ALG6: variants seen among roughly 807,000 people sequenced by gnomAD.
The protein encoded by ALG6 is dolichyl pyrophosphate Man9GlcNAc2 alpha-1,3-glucosyltransferase.
A neutral mutation model predicts 66.6 loss-of-function variants in ALG6; 46 were observed. The ratio of observed to expected loss-of-function variants is 0.69; its 90% CI spans 0.55 to 0.88. The LOEUF is 0.88. Among genes scored for constraint, ALG6 ranks in the 40% least tolerant of loss-of-function variants. The pLI is 0.00. For missense variants in ALG6, 505 were observed against 586.8 expected, an observed-to-expected ratio of 0.86 and a Z score of 1.44; for synonymous variants, 185 against 203.7, an observed-to-expected ratio of 0.91 and a Z score of 0.78.
At chr1:63,412,150 A>G in intron 9 of ALG6, 89 bp downstream of exon 9, 7 of 1,545,796 alleles carry the variant, frequency 4.5e-6, no homozygotes, top group Non-Finnish European at 6.2e-6. Context: ...AGGAATAGGA[A>G]CTTCAGCTAC....
chr1:63,398,764 C>T (rs1240718624), intron 3 of ALG6, among the ~76,000 whole-genome samples: 4 of 152,144 alleles, frequency 2.6e-5, no homozygotes, highest in Admixed American at 1.3e-4. Context: ...CTTGAGCCAC[C>T]GTGCCTGGCC....
intron 2 of ALG6, among the ~76,000 whole-genome samples, chr1:63,379,626 A>G (rs1648238629): frequency 6.6e-6 from 1 of 151,992 alleles, no homozygotes; most frequent in African/African-American, 2.4e-5. Flanking sequence ...CTCTGAATCT[A>G]CACTTTGCTG....
chr1:63,413,008 G>A (rs1010849354), intron 9 of ALG6, among the ~76,000 whole-genome samples: 1 of 152,294 alleles, frequency 6.6e-6, no homozygotes, highest in South Asian at 2.1e-4. Context: ...ATGTGTGACT[G>A]TATGTCAACA....
intron 12 of ALG6, among the ~76,000 whole-genome samples, chr1:63,425,565 G>GA (rs1453509439): frequency 6.6e-6 from 1 of 152,214 alleles, no homozygotes; most frequent in East Asian, 1.9e-4. Context: ...TTTCTAAGGA[G>GA]AGACAGAGTG....
intron 7 of ALG6, among the ~76,000 whole-genome samples, chr1:63,409,959 C>G (rs543003334): frequency 3.7e-4 from 57 of 152,244 alleles, no homozygotes; most frequent in Non-Finnish European, 8.1e-4. Flanking sequence ...GCCAGATAAT[C>G]TTTGCATGGG....
At chr1:63,376,963 A>T (rs1159715336) in intron 2 of ALG6, among the ~76,000 whole-genome samples, 1 of 152,004 alleles carries the variant, frequency 6.6e-6, no homozygotes, top group African/African-American at 2.4e-5. Context: ...TAGGTGATTT[A>T]GAATTGTTTT....
intron 14 of ALG6, among the ~76,000 whole-genome samples, chr1:63,430,124 G>A (rs930146330): frequency 1.3e-5 from 2 of 152,196 alleles, no homozygotes; most frequent in Middle Eastern, 3.4e-3. Context: ...CTCATGATCT[G>A]CCGGCCTTGG....
At chr1:63,379,733 A>G (rs544953394) in intron 2 of ALG6, among the ~76,000 whole-genome samples, 2 of 149,746 alleles carry the variant, frequency 1.3e-5, no homozygotes, top group African/African-American at 4.9e-5. Flanking sequence ...GTAATACTAT[A>G]TTATTAATTA....
intron 12 of ALG6, among the ~76,000 whole-genome samples, chr1:63,422,243 A>ATAGATATAAATATATATCTATATATG (rs1557594972): frequency 1.0e-5 from 1 of 96,502 alleles, no homozygotes; most frequent in Non-Finnish European, 1.9e-5. Context: ...ATATATATAT[A>ATAGATATAAATATATATCTATATATG]AATATATATA....
intron 2 of ALG6, among the ~76,000 whole-genome samples, chr1:63,389,763 G>T (rs1648613143): frequency 6.6e-6 from 1 of 152,120 alleles, no homozygotes. Context: ...GTCATCCATG[G>T]TCGCTGCAGC....
intron 2 of ALG6, among the ~76,000 whole-genome samples, chr1:63,378,851 G>C (rs1648214523): frequency 7.0e-6 from 1 of 142,798 alleles, no homozygotes; most frequent in East Asian, 2.1e-4. Flanking sequence ...TTTTAGCTGT[G>C]CTTAATTTGT....
chr1:63,387,592 A>G (rs1648541818), intron 2 of ALG6, among the ~76,000 whole-genome samples: 2 of 113,304 alleles, frequency 1.8e-5, no homozygotes, highest in Non-Finnish European at 1.6e-5. Flanking sequence ...CCCAGGCTGG[A>G]GTGCAGTGGT....
chr1:63,376,105 C>A (rs1186257456), intron 2 of ALG6, among the ~76,000 whole-genome samples: 1 of 152,054 alleles, frequency 6.6e-6, no homozygotes, highest in Non-Finnish European at 1.5e-5. Context: ...CATTGTTCAA[C>A]CATTGTAGAG....
chr1:63,410,212 C>G (rs1474620058), intron 7 of ALG6, among the ~76,000 whole-genome samples: 1 of 152,072 alleles, frequency 6.6e-6, no homozygotes, highest in Non-Finnish European at 1.5e-5. Context: ...AAATCTTTAT[C>G]TATTATAACA....
At chr1:63,402,872 G>A (rs1214982991) in intron 4 of ALG6, among the ~76,000 whole-genome samples, 11 of 150,964 alleles carry the variant, frequency 7.3e-5, no homozygotes, top group East Asian at 6.0e-4. Flanking sequence ...CGAGGCGGGC[G>A]GATCACGAGG....
At chr1:63,396,795 G>A (rs1334046468) in intron 3 of ALG6, among the ~76,000 whole-genome samples, 198 bp downstream of exon 3, 1 of 152,116 alleles carries the variant, frequency 6.6e-6, no homozygotes, top group African/African-American at 2.4e-5. Context: ...CATATACTTA[G>A]TTAGGTGGGC....
chr1:63,376,866 C>T (rs1648149885), intron 2 of ALG6, among the ~76,000 whole-genome samples: 1 of 152,000 alleles, frequency 6.6e-6, no homozygotes, highest in Non-Finnish European at 1.5e-5. Context: ...TGATATTTTA[C>T]CAATTGATCT....
intron 12 of ALG6, among the ~76,000 whole-genome samples, chr1:63,424,467 A>AT (rs1211267369): frequency 1.3e-5 from 2 of 151,870 alleles, no homozygotes; most frequent in Non-Finnish European, 2.9e-5. Context: ...TTGGGTTGTC[A>AT]TTTTTTGAGT....
chr1:63,424,203 C>T (rs967464509), intron 12 of ALG6, among the ~76,000 whole-genome samples: 1 of 152,060 alleles, frequency 6.6e-6, no homozygotes, highest in East Asian at 1.9e-4. Flanking sequence ...TGCAATGGCA[C>T]GGTCTCAGCT....
Sources: allele counts gnomAD v4.1 joint callset (sites outside exome capture counted in the v4.1 genomes callset), GRCh38; gene constraint gnomAD v4.1.1; transcripts MANE v1.5; gene names NCBI Gene and HGNC (gene_info 2026-07-23, HGNC 2026-07-21).